Variants in HHLA1 observed in about 807,000 individuals in gnomAD.
HHLA1 encodes the protein HERV-H LTR-associating protein 1.
Under a neutral mutation model 69.9 loss-of-function variants are expected in HHLA1, and 72 were observed. That is an observed-to-expected ratio of 1.03 (90% CI 0.85 to 1.25). The LOEUF (loss-of-function observed/expected upper bound fraction) is 1.25. Among genes scored for constraint, HHLA1 ranks in the 50% most tolerant of loss-of-function variants. The pLI is 0.00. For synonymous variants in HHLA1, 252 were observed against 233.2 expected (o/e 1.08, Z -0.73); for missense variants, 685 against 642.2 (o/e 1.07, Z -0.72).
chr8:132,087,573 G>A lies in HHLA1; in HGVS notation c.676+80C>T, dbSNP rs1586730664. 4.9e-6 allele frequency: 4 copies of A among 819,300 alleles called. No homozygotes were observed. The East Asian group carries it at 1.1e-4, about 22-fold the overall frequency. 50.8% of individuals were successfully genotyped at this position (819,300 alleles called of 1,614,324 possible). ...GTATAGCGAAACACAACACCTGAGGGCAGCTTTCAGTCATTAGTGTGCCAG... is the reference window on the plus strand; with the variant it reads ...GTATAGCGAAACACAACACCTGAGGACAGCTTTCAGTCATTAGTGTGCCAG... On this transcript the variant is annotated intron_variant, in intron 10 of 16. Transcript: ENST00000414222.
Position 132,083,441 on chromosome 8 carries a change from C to T in HHLA1, c.677-3475G>A, listed in dbSNP as rs547925543. 7.2e-5 allele frequency among the ~76,000 whole-genome samples: 11 copies of T among 152,058 alleles called. No homozygotes were observed. The South Asian group carries it at 8.4e-4, about 12-fold the overall frequency. On this transcript the variant is annotated intron_variant, in intron 10 of 16. Coordinates refer to ENST00000414222, the MANE Select transcript of HHLA1 (RefSeq NM_001145095.3). ...CTTACCTTCCACTGTGAGAGTTACC[C>T]GAAGCTTGGCGTCCGTGATGGTCTA...
chr8:132,062,352 A>G lies in HHLA1; in HGVS notation c.*1643T>C, dbSNP rs1823367145. The G allele has an allele frequency of 6.6e-6, 1 of 152,160 alleles. No homozygotes were observed. Among genetic ancestry groups the G allele is most frequent in the Non-Finnish European group, 1.5e-5 (1 of 68,034 alleles). The allele number at this position is 152,160 out of a possible 1,614,324, so 9.4% of individuals were successfully genotyped here. On this transcript the variant is annotated 3_prime_UTR_variant, in exon 17 of 17. Coordinates refer to ENST00000414222, the MANE Select transcript of HHLA1 (RefSeq NM_001145095.3). ...GAAATGTCTGGCTGCTCCTCTCTCCAATGTCCAAGTTCTACCTCCCCAGGC... is the reference window on the plus strand; with the variant it reads ...GAAATGTCTGGCTGCTCCTCTCTCCGATGTCCAAGTTCTACCTCCCCAGGC...
intron 14 of HHLA1, among the ~76,000 whole-genome samples, chr8:132,074,007 G>C (rs1432422784): frequency 6.6e-6 from 1 of 152,112 alleles, no homozygotes; most frequent in Non-Finnish European, 1.5e-5. Flanking sequence ...ACACAAATCT[G>C]ATCACATTAC....
Position 132,061,867 on chromosome 8 carries a change from TA to T in HHLA1, c.*2127del, listed in dbSNP as rs1448366876. 6.6e-6 allele frequency: 1 copy of T among 152,248 alleles called. No homozygotes were observed. Among genetic ancestry groups the T allele is most frequent in the Non-Finnish European group, 1.5e-5 (1 of 68,042 alleles). 9.4% of individuals were successfully genotyped at this position (152,248 alleles called of 1,614,324 possible). Reference sequence around the variant, plus strand: ...TCCTCTGAGCCTTTGTCCTTGATGCTAGGCCAGATCCTTGCATAAGCCTCAG... The same window carrying T: ...TCCTCTGAGCCTTTGTCCTTGATGCTGGCCAGATCCTTGCATAAGCCTCAG... On this transcript the variant is annotated 3_prime_UTR_variant, in exon 17 of 17. Coordinates refer to ENST00000414222, the MANE Select transcript of HHLA1 (RefSeq NM_001145095.3).
chr8:132,070,111 G>C (rs1823508282), intron 15 of HHLA1: 1 of 267,598 alleles, frequency 3.7e-6, no homozygotes, highest in African/African-American at 2.3e-5. Flanking sequence ...AATTTTAAAA[G>C]CTAATGGATC....
chr8:132,094,292 T>G (rs7824804), intron 7 of HHLA1, among the ~76,000 whole-genome samples: 2 of 152,174 alleles, frequency 1.3e-5, no homozygotes, highest in African/African-American at 2.4e-5. Flanking sequence ...CCAGAAGGAT[T>G]CTTTTAAAAT....
At chr8:132,064,103 A>G in intron 16 of HHLA1, 65 bp from the exon 17 acceptor site, 2 of 1,073,592 alleles carry the variant, frequency 1.9e-6, no homozygotes, top group Non-Finnish European at 2.5e-6. Flanking sequence ...AGAGACATAA[A>G]TTAAACCCTG....
chr8:132,066,845 G>C (rs1380376317), intron 15 of HHLA1, among the ~76,000 whole-genome samples: 1 of 152,180 alleles, frequency 6.6e-6, no homozygotes, highest in African/African-American at 2.4e-5. Context: ...AGGGATTTCT[G>C]GTGGTAGTAT....
At chr8:132,073,595 G>C (rs987743404) in intron 14 of HHLA1, among the ~76,000 whole-genome samples, 4 of 152,148 alleles carry the variant, frequency 2.6e-5, no homozygotes, top group African/African-American at 9.7e-5. Context: ...TTATGCAACA[G>C]GGAGTAACTC....
chr8:132,067,551 T>C (rs1445135704), intron 15 of HHLA1, among the ~76,000 whole-genome samples: 1 of 152,232 alleles, frequency 6.6e-6, no homozygotes, highest in African/African-American at 2.4e-5. Flanking sequence ...CCACTAGATA[T>C]CTGGTTAGCA....
Position 132,071,427 on chromosome 8 carries a change from C to T in HHLA1, c.1382G>A (p.Arg461Lys). The T allele has an allele frequency of 6.4e-7, 1 of 1,551,668 alleles. No homozygotes were observed. Among genetic ancestry groups the T allele is most frequent in the Non-Finnish European group, 8.7e-7 (1 of 1,146,952 alleles). ...AAAPLTLAIQ[R>K]LNPCLMELCQ... ...CAGCTCCATCAGGCATGGGTTGAGC[C>T]TCTGAATAGCCAGGGTGAGAGGAGC... Residue 461 changes from arginine (R) to lysine (K), a missense_variant, in exon 15 of 17, where the codon AGG (arginine) becomes AAG (lysine). Coordinates refer to ENST00000414222, the MANE Select transcript of HHLA1 (RefSeq NM_001145095.3).
At chr8:132,074,215 A>G (rs904073462) in intron 14 of HHLA1, among the ~76,000 whole-genome samples, 2 of 152,186 alleles carry the variant, frequency 1.3e-5, no homozygotes, top group African/African-American at 2.4e-5. Flanking sequence ...CACATTCTCA[A>G]TCAATAAACT....
intron 10 of HHLA1, among the ~76,000 whole-genome samples, chr8:132,084,857 G>T (rs2130887660): frequency 6.6e-6 from 1 of 152,086 alleles, no homozygotes; most frequent in Admixed American, 6.6e-5. Flanking sequence ...AGAGGTTGGG[G>T]TGTGGAAATA....
At chr8:132,094,552 C>A (rs994437269) in intron 7 of HHLA1, among the ~76,000 whole-genome samples, 11 of 152,302 alleles carry the variant, frequency 7.2e-5, no homozygotes, top group Non-Finnish European at 1.3e-4. Flanking sequence ...CAGGAACAAC[C>A]ACAGGGCTGG....
chr8:132,105,586 C>A (rs780692763), intron 1 of HHLA1, among the ~76,000 whole-genome samples: 7 of 152,220 alleles, frequency 4.6e-5, no homozygotes, highest in Non-Finnish European at 8.8e-5. Flanking sequence ...CATGTGGCAA[C>A]TGTAGCCTCC....
chr8:132,101,722 C>T (rs554534245), intron 3 of HHLA1, among the ~76,000 whole-genome samples: 3 of 152,010 alleles, frequency 2.0e-5, no homozygotes, highest in African/African-American at 7.2e-5. Flanking sequence ...TACAGGTGTG[C>T]ACCACCACGC....
At chr8:132,073,776 G>C (rs1181224853) in intron 14 of HHLA1, among the ~76,000 whole-genome samples, 1 of 152,084 alleles carries the variant, frequency 6.6e-6, no homozygotes, top group Non-Finnish European at 1.5e-5. Flanking sequence ...GCTCAAACTT[G>C]GGCATGATTT....
chr8:132,102,254 T>G (rs1005006428), intron 3 of HHLA1, among the ~76,000 whole-genome samples: 5 of 152,246 alleles, frequency 3.3e-5, no homozygotes, highest in African/African-American at 1.2e-4. Flanking sequence ...CAATGGACAT[T>G]TAGGTTGCTA....
intron 15 of HHLA1, among the ~76,000 whole-genome samples, chr8:132,067,663 C>T (rs539716169): frequency 2.0e-5 from 3 of 152,278 alleles, no homozygotes; most frequent in Admixed American, 6.5e-5. Flanking sequence ...AACCACAAAG[C>T]GCAGCGTTCC....
Sources: gnomAD v4.1 joint callset for allele counts (sites outside exome capture counted in the v4.1 genomes callset) on GRCh38, gnomAD v4.1.1 for gene constraint, MANE v1.5 for transcripts, NCBI Gene and HGNC (gene_info 2026-07-23, HGNC 2026-07-21) for gene names.